The following ELAPOR2 variants were observed in gnomAD, a reference collection of about 807,000 sequenced individuals.
The protein encoded by ELAPOR2 is endosome/lysosome-associated apoptosis and autophagy regulator family member 2.
A neutral mutation model predicts 120.7 loss-of-function variants in ELAPOR2; 89 were observed. The ratio of observed to expected loss-of-function variants is 0.74; its 90% CI spans 0.62 to 0.88. ELAPOR2 has a LOEUF of 0.88. ELAPOR2 is among the 40% of genes least tolerant of loss of function. The probability of loss-of-function intolerance (pLI) is 0.00; values close to 1 mark genes in which losing one functional copy is unlikely to be tolerated. For missense variants in ELAPOR2, 1,134 were observed against 1,251.6 expected, an observed-to-expected ratio of 0.91 and a Z score of 1.42; for synonymous variants, 444 against 444.9, an observed-to-expected ratio of 1.00 and a Z score of 0.03.
chr7:86,899,566 G>A (rs1788619917), intron 18 of ELAPOR2, among the ~76,000 whole-genome samples: 1 of 151,964 alleles, frequency 6.6e-6, no homozygotes, highest in Admixed American at 6.6e-5. Flanking sequence ...CAGTCTAACA[G>A]CAAAGTAAAA....
At chr7:86,932,484 G>A (rs1010201176) in intron 8 of ELAPOR2, among the ~76,000 whole-genome samples, 2 of 151,840 alleles carry the variant, frequency 1.3e-5, no homozygotes, top group African/African-American at 4.8e-5. Context: ...CCCACAATAG[G>A]AGGGTGGCGG....
chr7:87,042,188 A>T (rs1206790969), intron 1 of ELAPOR2, among the ~76,000 whole-genome samples: 4 of 150,870 alleles, frequency 2.7e-5, no homozygotes, highest in Admixed American at 2.6e-4. Flanking sequence ...CACTGTCAAC[A>T]TTAGACAGAT....
At chr7:86,986,751 C>A (rs867864022) in intron 1 of ELAPOR2, among the ~76,000 whole-genome samples, 1 of 151,552 alleles carries the variant, frequency 6.6e-6, no homozygotes, top group Non-Finnish European at 1.5e-5. Flanking sequence ...GAATCAATAT[C>A]GTGAAAATGG....
chr7:87,014,296 AT>A (rs1270093817), intron 1 of ELAPOR2, among the ~76,000 whole-genome samples: 1 of 152,072 alleles, frequency 6.6e-6, no homozygotes, highest in Non-Finnish European at 1.5e-5. Context: ...AGGCTCTTGT[AT>A]TTTTTTCTAG....
At chr7:86,977,729 C>G (rs1792328235) in intron 1 of ELAPOR2, among the ~76,000 whole-genome samples, 1 of 152,122 alleles carries the variant, frequency 6.6e-6, no homozygotes, top group African/African-American at 2.4e-5. Flanking sequence ...AATACATATT[C>G]AGTATGAAGA....
chr7:86,917,098 G>A (rs555471857), intron 12 of ELAPOR2, among the ~76,000 whole-genome samples: 50 of 148,410 alleles, frequency 3.4e-4, no homozygotes, highest in African/African-American at 1.0e-3. Flanking sequence ...GAGCCATCAC[G>A]CCAGCCTCTA....
At chr7:87,028,285 C>G (rs1794310511) in intron 1 of ELAPOR2, among the ~76,000 whole-genome samples, 1 of 152,130 alleles carries the variant, frequency 6.6e-6, no homozygotes, top group African/African-American at 2.4e-5. Context: ...AAGACCTTCA[C>G]CTTGCTAAAT....
chr7:86,984,326 C>A (rs550560020), intron 1 of ELAPOR2, among the ~76,000 whole-genome samples: 34 of 152,326 alleles, frequency 2.2e-4, no homozygotes, highest in African/African-American at 7.2e-4. Flanking sequence ...CAGCTCTGCA[C>A]CAAGCTGACC....
At chr7:86,927,152 T>C (rs1790111598) in intron 8 of ELAPOR2, among the ~76,000 whole-genome samples, 1 of 151,926 alleles carries the variant, frequency 6.6e-6, no homozygotes, top group East Asian at 1.9e-4. Flanking sequence ...GTACACAGCA[T>C]GTTCCTCATC....
At chr7:87,046,509 C>G (rs923813294) in intron 1 of ELAPOR2, among the ~76,000 whole-genome samples, 1 of 152,168 alleles carries the variant, frequency 6.6e-6, no homozygotes, top group Non-Finnish European at 1.5e-5. Flanking sequence ...TACAGTTTGG[C>G]TCTGTGTCCC....
chr7:86,938,207 T>A lies in ELAPOR2; in HGVS notation c.1008A>T (p.Gly336=), dbSNP rs2116320695. ...CKDDSQFSEE[G]SSECTERPPC... Reference sequence around the variant, plus strand: ...GAGGGCGCTCTGTACACTCACTGGATCCTTCCTCTGCAACATAAAAAAAGC... The same window carrying A: ...GAGGGCGCTCTGTACACTCACTGGAACCTTCCTCTGCAACATAAAAAAAGC... The change falls in exon 8 of 22, where the codon GGA becomes GGT. Residue 336 remains glycine (G), a synonymous_variant. Transcript: ENST00000450689. The A allele has an allele frequency of 6.5e-7, 1 of 1,549,870 alleles. No homozygotes were observed. The highest frequency in any genetic ancestry group is 1.2e-5 in the South Asian group (1 of 84,020).
chr7:86,903,347 A>G (rs969689950), intron 18 of ELAPOR2, among the ~76,000 whole-genome samples: 4 of 152,138 alleles, frequency 2.6e-5, no homozygotes, highest in Admixed American at 2.0e-4. Context: ...TTACTTTTTA[A>G]TATTCTAAGA....
intron 1 of ELAPOR2, among the ~76,000 whole-genome samples, chr7:86,991,264 G>T (rs1237409961): frequency 2.0e-5 from 3 of 152,110 alleles, no homozygotes; most frequent in South Asian, 2.1e-4. Context: ...GAATGTTGAT[G>T]ATTTATTTTA....
chr7:86,963,610 A>G (rs761846269), intron 2 of ELAPOR2, among the ~76,000 whole-genome samples: 1 of 152,182 alleles, frequency 6.6e-6, no homozygotes, highest in African/African-American at 2.4e-5. Context: ...AAAACCAAGG[A>G]ATTAGCCCAC....
At chr7:86,998,633 C>G (rs1298975548) in intron 1 of ELAPOR2, among the ~76,000 whole-genome samples, 5 of 152,240 alleles carry the variant, frequency 3.3e-5, no homozygotes, top group Non-Finnish European at 5.9e-5. Flanking sequence ...AAATTTCACC[C>G]CGGTCATGAC....
chr7:87,056,760 C>T (rs1042691375), intron 1 of ELAPOR2, among the ~76,000 whole-genome samples: 2 of 152,220 alleles, frequency 1.3e-5, no homozygotes, highest in East Asian at 3.8e-4. Flanking sequence ...AACTGGATGA[C>T]TCCCAGGCCA....
chr7:86,924,374 TAC>T (rs3057442), intron 10 of ELAPOR2, among the ~76,000 whole-genome samples: 3,917 of 145,102 alleles, frequency 0.027, 119 homozygotes, highest in African/African-American at 0.081. Flanking sequence ...AGTAAGTGAA[TAC>T]ACACACACAC....
chr7:86,933,402 C>T (rs531223318), intron 8 of ELAPOR2, among the ~76,000 whole-genome samples: 11 of 151,900 alleles, frequency 7.2e-5, no homozygotes, highest in Non-Finnish European at 1.3e-4. Flanking sequence ...CTTTAAGAAA[C>T]AGGATGCCTG....
At chr7:86,898,784 A>C (rs1788570878) in intron 18 of ELAPOR2, among the ~76,000 whole-genome samples, 1 of 152,116 alleles carries the variant, frequency 6.6e-6, no homozygotes. Flanking sequence ...GGGCATATGG[A>C]GAGAAACTAG....
Sources: gnomAD v4.1 joint callset for allele counts (sites outside exome capture counted in the v4.1 genomes callset) on GRCh38, gnomAD v4.1.1 for gene constraint, MANE v1.5 for transcripts, NCBI Gene and HGNC (gene_info 2026-07-23, HGNC 2026-07-21) for gene names.